IQSEC3: variants seen among roughly 807,000 people sequenced by gnomAD.
IQSEC3 encodes IQ motif and SEC7 domain-containing protein 3.
IQSEC3 carries 50 observed loss-of-function variants against 105.4 expected under a neutral mutation model. The ratio of observed to expected loss-of-function variants is 0.47; its 90% CI spans 0.38 to 0.60. The LOEUF (loss-of-function observed/expected upper bound fraction) is 0.60, where lower values mean the gene tolerates loss of function less well. Ranked by LOEUF, IQSEC3 falls within the 20% of genes least tolerant of loss-of-function variation. The pLI is 0.00. For synonymous variants in IQSEC3, 708 were observed against 746.0 expected, an observed-to-expected ratio of 0.95 and a Z score of 0.83; for missense variants, 1,415 against 1,630.0, an observed-to-expected ratio of 0.87 and a Z score of 2.27.
chr12:69,196 C>T (rs1355405761), intron 1 of IQSEC3, among the ~76,000 whole-genome samples: 1 of 152,254 alleles, frequency 6.6e-6, no homozygotes, highest in African/African-American at 2.4e-5. Context: ...CTGTCTCTCC[C>T]ACTGCAACTC....
intron 1 of IQSEC3, among the ~76,000 whole-genome samples, chr12:96,133 G>A (rs1490617349): frequency 6.6e-6 from 1 of 152,216 alleles, no homozygotes; most frequent in Non-Finnish European, 1.5e-5. Flanking sequence ...AAGAAAGTGA[G>A]ACTGAACCAA....
chr12:83,807 G>A (rs532835328), intron 1 of IQSEC3, among the ~76,000 whole-genome samples: 13 of 152,236 alleles, frequency 8.5e-5, no homozygotes, highest in East Asian at 1.9e-4. Flanking sequence ...AGGGAGCCCC[G>A]GAGCGCCGTG....
chr12:78,974 C>T (rs2650197), intron 1 of IQSEC3, among the ~76,000 whole-genome samples: 1 of 152,154 alleles, frequency 6.6e-6, no homozygotes, highest in Non-Finnish European at 1.5e-5. Context: ...CCCTGTTTGA[C>T]TTCACACCCT....
chr12:93,682 T>G lies in IQSEC3; in HGVS notation c.555-5464T>G, dbSNP rs139610599. ...CTTGATGTGAATGTTTTCTGCTATGTTTTGAATGTTTGTCCCCTCCAAACC... is the reference window on the plus strand; with the variant it reads ...CTTGATGTGAATGTTTTCTGCTATGGTTTGAATGTTTGTCCCCTCCAAACC... On this transcript the variant is annotated intron_variant, in intron 1 of 13. Transcript: ENST00000538872. Among the ~76,000 whole-genome samples the G allele has an allele frequency of 1.7e-3, 258 of 152,306 alleles. 2 individuals are homozygous for G. The highest frequency in any genetic ancestry group is 5.9e-3 in the African/African-American group (247 of 41,548).
At chr12:149,294 GCACT>G (rs1866411247) in intron 5 of IQSEC3, 1 of 152,246 alleles carries the variant, frequency 6.6e-6, no homozygotes, top group African/African-American at 2.4e-5. Flanking sequence ...CTAGTTCTCA[GCACT>G]CACTCACTTG....
intron 1 of IQSEC3, among the ~76,000 whole-genome samples, chr12:80,640 G>T (rs1203740719): frequency 6.6e-6 from 1 of 151,970 alleles, no homozygotes; most frequent in African/African-American, 2.4e-5. Context: ...AGGCCCTGGG[G>T]TATAGCAGTG....
chr12:173,024 C>T (rs1490352375), intron 13 of IQSEC3, among the ~76,000 whole-genome samples: 2 of 152,110 alleles, frequency 1.3e-5, no homozygotes, highest in Non-Finnish European at 2.9e-5. Context: ...GAAGTCCAGG[C>T]GGAGGGAGGC....
At chr12:119,129 T>C (rs1865140450) in intron 2 of IQSEC3, among the ~76,000 whole-genome samples, 2 of 152,114 alleles carry the variant, frequency 1.3e-5, no homozygotes, top group Admixed American at 6.5e-5. Flanking sequence ...TCTCAAGACC[T>C]CCTAGCAGGT....
intron 1 of IQSEC3, among the ~76,000 whole-genome samples, chr12:93,832 A>G (rs1310561114): frequency 1.3e-5 from 2 of 151,444 alleles, no homozygotes; most frequent in Non-Finnish European, 2.9e-5. Context: ...GTGACTTCTC[A>G]CTCTGTTAGT....
chr12:84,227 C>A (rs923745848), intron 1 of IQSEC3, among the ~76,000 whole-genome samples: 1 of 152,242 alleles, frequency 6.6e-6, no homozygotes, highest in African/African-American at 2.4e-5. Context: ...GAATTTGGCC[C>A]GTGGCCCACT....
intron 1 of IQSEC3, among the ~76,000 whole-genome samples, chr12:74,582 C>G (rs1313604873): frequency 5.9e-5 from 9 of 152,274 alleles, no homozygotes; most frequent in Admixed American, 5.9e-4. Context: ...GGCACCTTTC[C>G]TCCCTGGCAG....
chr12:161,785 C>T (rs2137048421), intron 7 of IQSEC3, 141 bp from the exon 8 acceptor site: 2 of 715,814 alleles, frequency 2.8e-6, no homozygotes, highest in East Asian at 5.4e-5. Flanking sequence ...GTATGAGGCA[C>T]CAGCCATTGA....
At chr12:160,855 TG>T (rs1182297368) in intron 7 of IQSEC3, among the ~76,000 whole-genome samples, 1 of 152,180 alleles carries the variant, frequency 6.6e-6, no homozygotes, top group Admixed American at 6.5e-5. Flanking sequence ...GGTCCTGGGG[TG>T]CCTGTGCCCC....
At chr12:171,482 T>C (rs1938994921) in intron 13 of IQSEC3, 1 of 639,942 alleles carries the variant, frequency 1.6e-6, no homozygotes, top group Admixed American at 2.8e-5. Flanking sequence ...CAAATCCACC[T>C]CCCCAGCAAA....
In IQSEC3 at chr12:138,180, T is replaced by G; in HGVS notation, c.904-87T>G. 4 of 1,230,402 alleles carry G rather than the reference T, an allele frequency of 3.3e-6. No individual in the cohort carries two copies. Among genetic ancestry groups the G allele is most frequent in the South Asian group, 1.4e-5 (1 of 70,334 alleles). 76.2% of individuals were successfully genotyped at this position (1,230,402 alleles called of 1,614,324 possible). A position where few individuals can be genotyped will look rare whatever the true frequency, so the allele number is the denominator to read the frequency against. The stretch of plus-strand genomic sequence containing the variant: ...CGTCCATTCCTGGGCCCCACCCGAG[T>G]GTGGCCGGGTGACTCCACCACTCCT... On this transcript the variant is annotated intron_variant, in intron 3 of 13. Coordinates refer to ENST00000538872, the MANE Select transcript of IQSEC3 (RefSeq NM_001170738.2). The surrounding 1 kb of genome is among the most constrained non-coding windows in gnomAD (Gnocchi z 7.1).
In IQSEC3 at chr12:92,355, G is replaced by A. The variant is rs117242776; in HGVS notation, c.555-6791G>A. Among the ~76,000 whole-genome samples, 849 of 152,248 alleles carry A rather than the reference G, an allele frequency of 5.6e-3. 11 individuals carry two copies. The highest frequency in any genetic ancestry group is 0.041 in the South Asian group (195 of 4,812). ...CCAGTTTCCTTCGGCCCCTCCAGCC[G>A]CAGAACTCGCAGGGCCACAGCCTTG... On this transcript the variant is annotated intron_variant, in intron 1 of 13. Transcript: ENST00000538872.
chr12:119,907 G>T (rs1234455367), intron 2 of IQSEC3, among the ~76,000 whole-genome samples: 1 of 152,228 alleles, frequency 6.6e-6, no homozygotes, highest in Non-Finnish European at 1.5e-5. Flanking sequence ...CAGCAGCTGA[G>T]CGAGAAGTCC....
At chr12:71,720 G>A (rs1863327105) in intron 1 of IQSEC3, among the ~76,000 whole-genome samples, 1 of 152,252 alleles carries the variant, frequency 6.6e-6, no homozygotes, top group African/African-American at 2.4e-5. Context: ...ACTAGGTGAG[G>A]ACAGTCTCAA....
intron 5 of IQSEC3, chr12:143,565 C>T (rs73603121): frequency 0.022 from 3,650 of 166,668 alleles, 137 homozygotes; most frequent in African/African-American, 0.081. Context: ...GCCCCAGGGC[C>T]GTGCTGGGGT....
Sources: gnomAD v4.1 joint callset for allele counts (sites outside exome capture counted in the v4.1 genomes callset) on GRCh38, gnomAD v4.1.1 for gene constraint, Gnocchi (gnomAD v3.1) non-coding constraint, MANE v1.5 for transcripts, NCBI Gene and HGNC (gene_info 2026-07-23, HGNC 2026-07-21) for gene names.